The following MAD1L1 variants were observed in gnomAD, a reference collection of about 807,000 sequenced individuals.
The protein encoded by MAD1L1 is mitotic arrest deficient 1 like 1, also known as mitotic spindle assembly checkpoint protein MAD1.
Under a neutral mutation model 96.9 loss-of-function variants are expected in MAD1L1, and 95 were observed. The observed-to-expected ratio is 0.98, with a 90% CI of 0.83 to 1.16. The LOEUF is 1.16. MAD1L1 is among the 50% of genes most tolerant of loss of function. The pLI is 0.00. For missense variants in MAD1L1, 1,007 were observed against 954.4 expected (o/e 1.06, Z -0.73); for synonymous variants, 473 against 396.6 (o/e 1.19, Z -2.29).
intron 18 of MAD1L1, chr7:1,846,095 T>G (rs1437315578): frequency 6.5e-6 from 1 of 152,678 alleles, no homozygotes; most frequent in African/African-American, 2.4e-5. Context: ...CCCCAGGCAT[T>G]TCCCTAAAGC....
At chr7:1,958,450 C>T (rs55696955) in intron 15 of MAD1L1, among the ~76,000 whole-genome samples, 4,958 of 152,260 alleles carry the variant, frequency 0.033, 178 homozygotes, top group Admixed American at 0.097. Flanking sequence ...AAAGATTACT[C>T]GACACCGCAC....
At chr7:2,109,878 G>C (rs1188450652) in intron 11 of MAD1L1, among the ~76,000 whole-genome samples, 2 of 152,200 alleles carry the variant, frequency 1.3e-5, no homozygotes, top group Non-Finnish European at 2.9e-5. Context: ...ATCCGTTTGG[G>C]TACTTTCTGA....
chr7:2,049,236 T>G (rs1055895851), intron 12 of MAD1L1, among the ~76,000 whole-genome samples: 2 of 152,096 alleles, frequency 1.3e-5, no homozygotes, highest in Non-Finnish European at 2.9e-5. Flanking sequence ...GTGACAGAGC[T>G]CAGGTTCTAA....
chr7:1,839,203 G>A (rs1361284419), intron 18 of MAD1L1, among the ~76,000 whole-genome samples: 1 of 152,116 alleles, frequency 6.6e-6, no homozygotes, highest in African/African-American at 2.4e-5. Context: ...CGTGTAGGTG[G>A]AGCAGGGCTT....
At chr7:1,933,563 G>C (rs1446113759) in intron 17 of MAD1L1, among the ~76,000 whole-genome samples, 1 of 152,204 alleles carries the variant, frequency 6.6e-6, no homozygotes, top group Non-Finnish European at 1.5e-5. Context: ...TGGTCTGTAG[G>C]GCTGCCTAGC....
chr7:1,859,094 T>C (rs371003895), intron 18 of MAD1L1, among the ~76,000 whole-genome samples: 10 of 83,532 alleles, frequency 1.2e-4, no homozygotes, highest in African/African-American at 2.9e-4. Flanking sequence ...GAGAGAGGCC[T>C]GCAGAGACGG....
At chr7:1,976,729 G>A (rs1255135872) in intron 15 of MAD1L1, among the ~76,000 whole-genome samples, 1 of 152,232 alleles carries the variant, frequency 6.6e-6, no homozygotes, top group African/African-American at 2.4e-5. Flanking sequence ...ACACGGTGCT[G>A]ACTGGTGCGT....
chr7:2,145,205 G>A (rs937820841), intron 11 of MAD1L1, among the ~76,000 whole-genome samples: 4 of 152,126 alleles, frequency 2.6e-5, no homozygotes, highest in Admixed American at 2.0e-4. Flanking sequence ...CGTTACCAAC[G>A]TCATCCCGCT....
rs545048067 is a variant in MAD1L1, at chr7:2,072,609, A to C, written c.1074-3271T>G. The stretch of plus-strand genomic sequence containing the variant: ...TCACTGAATTCAGGTGGGAACGTTC[A>C]CAAGTGCTTTAAATCACGGCTCCGT... On this transcript the variant is annotated intron_variant, in intron 11 of 18. Transcript: ENST00000265854. Among the ~76,000 whole-genome samples, 6 of 152,380 alleles carry C rather than the reference A, an allele frequency of 3.9e-5. No individual in the cohort carries two copies. In the East Asian group the frequency reaches 1.2e-3, roughly 29 times the overall value.
At chr7:2,159,432 G>A (rs936065045) in intron 10 of MAD1L1, among the ~76,000 whole-genome samples, 16 of 152,176 alleles carry the variant, frequency 1.1e-4, no homozygotes, top group Admixed American at 7.2e-4. Context: ...TGTCACCTGA[G>A]CCCTGGCTCC....
chr7:1,841,844 G>C (rs1032913140), intron 18 of MAD1L1, among the ~76,000 whole-genome samples: 1 of 152,184 alleles, frequency 6.6e-6, no homozygotes, highest in Admixed American at 6.5e-5. Flanking sequence ...TTCTGCCCTC[G>C]CATGAGTCTC....
chr7:2,127,942 T>C lies in MAD1L1; in HGVS notation c.1073+21210A>G, dbSNP rs1208223462. Among the ~76,000 whole-genome samples, 4 of 152,190 alleles carry C rather than the reference T, an allele frequency of 2.6e-5. No individual in the cohort carries two copies. The East Asian group carries it at 7.7e-4, about 29-fold the overall frequency. ...GCTGTGACCTCAAGCAAGAGACTTC[T>C]GCTCGCACCTGAGAGATTAAGACAG... is the stretch of plus-strand genomic sequence containing the variant. On this transcript the variant is annotated intron_variant, in intron 11 of 18. Transcript: ENST00000265854.
intron 18 of MAD1L1, among the ~76,000 whole-genome samples, chr7:1,842,564 C>A (rs764209047): frequency 2.6e-5 from 4 of 152,276 alleles, no homozygotes; most frequent in East Asian, 1.9e-4. Context: ...CTGTCCCAGG[C>A]GAGCTGAGTA....
chr7:2,175,054 C>T (rs148291374), intron 10 of MAD1L1: 64 of 152,288 alleles, frequency 4.2e-4, no homozygotes, highest in African/African-American at 1.5e-3. Flanking sequence ...GACAACGCTC[C>T]ACCAGCCCAG....
chr7:1,980,008 G>C (rs1780820108), intron 15 of MAD1L1, among the ~76,000 whole-genome samples: 1 of 152,220 alleles, frequency 6.6e-6, no homozygotes, highest in South Asian at 2.1e-4. Context: ...AGGTGGATGG[G>C]ATGGGACTTA....
chr7:2,062,351 G>A (rs1784698780), intron 12 of MAD1L1, among the ~76,000 whole-genome samples: 1 of 151,932 alleles, frequency 6.6e-6, no homozygotes, highest in Admixed American at 6.6e-5. Flanking sequence ...CCGAAGTAGG[G>A]GGATCACGAG....
chr7:2,045,226 G>T (rs533896238), intron 12 of MAD1L1, among the ~76,000 whole-genome samples: 2 of 152,332 alleles, frequency 1.3e-5, no homozygotes, highest in South Asian at 4.1e-4. Flanking sequence ...GTGAATCCCT[G>T]TAAGAGTCCC....
intron 11 of MAD1L1, among the ~76,000 whole-genome samples, chr7:2,107,215 C>T (rs750091444): frequency 2.6e-5 from 4 of 152,252 alleles, no homozygotes; most frequent in East Asian, 1.9e-4. Flanking sequence ...GTGTGTGGGG[C>T]GGGACAGTCA....
chr7:1,860,536 G>A (rs973078131), intron 18 of MAD1L1, among the ~76,000 whole-genome samples: 5 of 149,940 alleles, frequency 3.3e-5, no homozygotes, highest in South Asian at 2.1e-4. Context: ...CCTGCAGGGT[G>A]GCCTCTGTTT....
Sources: allele counts gnomAD v4.1 joint callset (sites outside exome capture counted in the v4.1 genomes callset), GRCh38; gene constraint gnomAD v4.1.1; transcripts MANE v1.5; gene names NCBI Gene and HGNC (gene_info 2026-07-23, HGNC 2026-07-21).